TRPC6: variants seen among roughly 807,000 people sequenced by gnomAD.
The protein encoded by TRPC6 is short transient receptor potential channel 6.
TRPC6 carries 55 observed loss-of-function variants against 90.7 expected under a neutral mutation model. The observed-to-expected ratio is 0.61, with a 90% CI of 0.49 to 0.76. The LOEUF (loss-of-function observed/expected upper bound fraction) is 0.76. Among genes scored for constraint, TRPC6 ranks in the 30% least tolerant of loss-of-function variants. The pLI, the probability that TRPC6 is intolerant of heterozygous loss-of-function variation, is 0.00. For synonymous variants in TRPC6, 393 were observed against 393.0 expected (o/e 1.00, Z 0.00); for missense variants, 989 against 1,122.7 (o/e 0.88, Z 1.70).
chr11:101,505,839 C>G (rs1243147114), intron 1 of TRPC6, among the ~76,000 whole-genome samples: 1 of 151,916 alleles, frequency 6.6e-6, no homozygotes, highest in Non-Finnish European at 1.5e-5. Flanking sequence ...ATGGCAAAAC[C>G]CCATCTCTGC....
chr11:101,504,088 A>G lies in TRPC6; in HGVS notation c.881T>C (p.Val294Ala). 2 of 1,614,070 alleles carry G rather than the reference A, an allele frequency of 1.2e-6. No homozygotes were observed. The highest frequency in any genetic ancestry group is 2.2e-5 in the East Asian group (1 of 44,876). ...ATTGCTAAGTTCTAAAGCCGTCATG[A>G]CTGGATCTTCACTAGACAATGACAG... is the stretch of plus-strand genomic sequence containing the variant. The part of the protein sequence containing the change: ...AYLSLSSEDP[V>A]MTALELSNEL... The change falls in exon 2 of 13, where the codon GTC (valine) becomes GCC (alanine). Residue 294 changes from valine to alanine, a missense_variant. Transcript: ENST00000344327.
At chr11:101,497,476 C>T (rs1286877209) in intron 2 of TRPC6, among the ~76,000 whole-genome samples, 1 of 152,188 alleles carries the variant, frequency 6.6e-6, no homozygotes, top group Non-Finnish European at 1.5e-5. Context: ...GAATATTATA[C>T]ACTAGAACAT....
intron 4 of TRPC6, among the ~76,000 whole-genome samples, chr11:101,488,107 T>G (rs1275218930): frequency 6.6e-6 from 1 of 152,166 alleles, no homozygotes; most frequent in Non-Finnish European, 1.5e-5. Context: ...CAAAAGACAT[T>G]TAGGCACTAA....
intron 1 of TRPC6, among the ~76,000 whole-genome samples, chr11:101,527,087 T>C (rs1389121246): frequency 1.3e-5 from 2 of 152,068 alleles, no homozygotes; most frequent in Admixed American, 1.3e-4. Context: ...CTACTAACAC[T>C]GGAGAAGAAA....
At chr11:101,522,043 T>C (rs1159930622) in intron 1 of TRPC6, among the ~76,000 whole-genome samples, 1 of 152,168 alleles carries the variant, frequency 6.6e-6, no homozygotes, top group Admixed American at 6.5e-5. Flanking sequence ...ATGCTGAAAT[T>C]AGTTAAGACT....
chr11:101,455,102 C>T lies in TRPC6; in HGVS notation c.2485-1G>A, dbSNP rs1858853808. 1 of 1,610,726 alleles carries T rather than the reference C, an allele frequency of 6.2e-7. No individual in the cohort carries two copies. Among genetic ancestry groups the T allele is most frequent in the African/African-American group, 1.3e-5 (1 of 74,704 alleles). ...TACTTGGTTGTTTATTGTGCCCAAC[C>T]TGTAATTTGAAAAGATTTAGAAATG... On this transcript the variant is annotated splice_acceptor_variant, in intron 10 of 12. Transcript: ENST00000344327. LOFTEE classifies it high-confidence loss of function.
At chr11:101,556,390 C>A (rs906432043) in intron 1 of TRPC6, among the ~76,000 whole-genome samples, 6 of 151,818 alleles carry the variant, frequency 4.0e-5, no homozygotes, top group African/African-American at 1.5e-4. Flanking sequence ...AAAACTGATA[C>A]CACAGAAATA....
chr11:101,504,733 A>C lies in TRPC6; in HGVS notation c.236T>G (p.Leu79Ter), dbSNP rs767960297. ...QTVLREKGRR[L>*]ANRGPAYMFS... ...CATGTATGCTGGTCCTCGATTAGCT[A>C]ACCTTCTCCCCTTCTCACGGAGAAC... Residue 79 changes from leucine (L) to a stop codon, truncating the protein, a stop_gained, in exon 2 of 13, where the codon TTA becomes TGA. Transcript: ENST00000344327. LOFTEE classifies it high-confidence loss of function. 2 of 1,598,996 alleles carry C rather than the reference A, an allele frequency of 1.3e-6. No homozygotes were observed. The highest frequency in any genetic ancestry group is 1.7e-6 in the Non-Finnish European group (2 of 1,172,402).
At chr11:101,559,909 T>C (rs1350707745) in intron 1 of TRPC6, among the ~76,000 whole-genome samples, 1 of 151,792 alleles carries the variant, frequency 6.6e-6, no homozygotes, top group East Asian at 1.9e-4. Flanking sequence ...CTTGCGATAG[T>C]TTGCTGAGAA....
chr11:101,555,720 T>C (rs1861547705), intron 1 of TRPC6, among the ~76,000 whole-genome samples: 1 of 152,214 alleles, frequency 6.6e-6, no homozygotes, highest in Admixed American at 6.5e-5. Flanking sequence ...CTGTACCAGA[T>C]TTCTATGAGA....
At chr11:101,582,279 G>A (rs1298834150) in intron 1 of TRPC6, among the ~76,000 whole-genome samples, 2 of 152,158 alleles carry the variant, frequency 1.3e-5, no homozygotes, top group African/African-American at 2.4e-5. Flanking sequence ...AGGCTGGGCA[G>A]CCCTGACACA....
At chr11:101,534,833 G>A (rs1860998709) in intron 1 of TRPC6, among the ~76,000 whole-genome samples, 1 of 152,080 alleles carries the variant, frequency 6.6e-6, no homozygotes, top group South Asian at 2.1e-4. Context: ...AAACGTATAT[G>A]GTTCATATAA....
intron 2 of TRPC6, among the ~76,000 whole-genome samples, chr11:101,502,695 G>A (rs1362293339): frequency 1.3e-5 from 2 of 152,180 alleles, no homozygotes; most frequent in East Asian, 1.9e-4. Context: ...GGGTTAGAAG[G>A]ACCATTTACT....
chr11:101,453,253 G>A, intron 12 of TRPC6, 147 bp from the exon 13 acceptor site: 4 of 822,706 alleles, frequency 4.9e-6, no homozygotes, highest in South Asian at 1.6e-5. Flanking sequence ...AATTGAGCAG[G>A]TTTTTGTTTT....
intron 1 of TRPC6, among the ~76,000 whole-genome samples, chr11:101,569,856 A>G (rs1861918708): frequency 6.6e-6 from 1 of 152,218 alleles, no homozygotes; most frequent in Non-Finnish European, 1.5e-5. Flanking sequence ...AATCTCTGGG[A>G]TGCAGCTGAA....
At chr11:101,524,478 T>C (rs1468096187) in intron 1 of TRPC6, among the ~76,000 whole-genome samples, 12 of 152,234 alleles carry the variant, frequency 7.9e-5, no homozygotes, top group African/African-American at 2.7e-4. Flanking sequence ...CTCGATCTCA[T>C]GACCTCGTGA....
chr11:101,568,102 A>G (rs1001660595), intron 1 of TRPC6, among the ~76,000 whole-genome samples: 1 of 152,230 alleles, frequency 6.6e-6, no homozygotes, highest in Non-Finnish European at 1.5e-5. Context: ...AAGCCAATGC[A>G]AGGAAGCTAA....
intron 10 of TRPC6, among the ~76,000 whole-genome samples, chr11:101,456,095 A>T (rs987081254): frequency 6.6e-6 from 1 of 152,110 alleles, no homozygotes; most frequent in African/African-American, 2.4e-5. Flanking sequence ...AATTTTACTT[A>T]TACTGAATTT....
intron 1 of TRPC6, among the ~76,000 whole-genome samples, chr11:101,521,980 G>A (rs1174656234): frequency 6.6e-6 from 1 of 152,206 alleles, no homozygotes; most frequent in African/African-American, 2.4e-5. Context: ...CTCATAGGCT[G>A]AAGGGACTTG....
Sources: gnomAD v4.1 joint callset for allele counts (sites outside exome capture counted in the v4.1 genomes callset) on GRCh38, gnomAD v4.1.1 for gene constraint, MANE v1.5 for transcripts, NCBI Gene and HGNC (gene_info 2026-07-23, HGNC 2026-07-21) for gene names.